Variants in RAI14 observed in about 807,000 individuals in gnomAD.
The protein encoded by RAI14 is retinoic acid induced 14.
Under a neutral mutation model 115.4 loss-of-function variants are expected in RAI14, and 45 were observed. The ratio of observed to expected loss-of-function variants is 0.39; its 90% CI spans 0.31 to 0.50. The LOEUF (loss-of-function observed/expected upper bound fraction) is 0.50, where lower values mean the gene tolerates loss of function less well. Among genes scored for constraint, RAI14 ranks in the 20% least tolerant of loss-of-function variants. The probability of loss-of-function intolerance (pLI) is 0.85; values close to 1 mark genes in which losing one functional copy is unlikely to be tolerated. For missense variants in RAI14, 939 were observed against 1,131.2 expected, an observed-to-expected ratio of 0.83 and a Z score of 2.44; for synonymous variants, 371 against 415.4, an observed-to-expected ratio of 0.89 and a Z score of 1.30.
chr5:34,826,084 C>T (rs1043404455), intron 15 of RAI14: 14 of 268,420 alleles, frequency 5.2e-5, no homozygotes, highest in African/African-American at 2.4e-4. Context: ...ATCACCAAAA[C>T]ATAATATGTA....
At position 34,772,431 on chromosome 5, in the gene RAI14, T is replaced by C. The variant is rs148753068; in HGVS notation, c.167+14833T>C. On this transcript the variant is annotated intron_variant, in intron 3 of 17. Coordinates refer to ENST00000265109, the MANE Select transcript of RAI14 (RefSeq NM_015577.3). ...GCACTAACCTAACAGCAAACTTCTC[T>C]GCCTCAGTTTTCCTCGTCTGTTAAA... 7.9e-5 allele frequency among the ~76,000 whole-genome samples: 12 copies of C among 152,364 alleles called. No individual in the cohort carries two copies. The East Asian group carries it at 2.1e-3, about 27-fold the overall frequency.
chr5:34,759,264 A>C (rs957347943), intron 3 of RAI14, among the ~76,000 whole-genome samples: 2 of 151,948 alleles, frequency 1.3e-5, no homozygotes, highest in African/African-American at 4.8e-5. Flanking sequence ...CTCTGTATCA[A>C]AGGGAAAAAA....
chr5:34,709,413 A>C (rs1056623776), intron 2 of RAI14, among the ~76,000 whole-genome samples: 1 of 152,176 alleles, frequency 6.6e-6, no homozygotes, highest in South Asian at 2.1e-4. Flanking sequence ...ATGCCACTGC[A>C]CTCCAGCCTG....
At chr5:34,800,341 T>A (rs1754111204) in intron 4 of RAI14, among the ~76,000 whole-genome samples, 1 of 152,220 alleles carries the variant, frequency 6.6e-6, no homozygotes, top group African/African-American at 2.4e-5. Flanking sequence ...ACTAGTCTTT[T>A]ATTTGCAGGT....
At chr5:34,694,548 G>T (rs1738993665) in intron 2 of RAI14, among the ~76,000 whole-genome samples, 2 of 152,128 alleles carry the variant, frequency 1.3e-5, no homozygotes, top group Non-Finnish European at 2.9e-5. Flanking sequence ...TCAACTATTA[G>T]AGTAGTTTTT....
chr5:34,822,250 G>GTATATATATATATATATATATATATA (rs376790121), intron 14 of RAI14, among the ~76,000 whole-genome samples: 5 of 134,736 alleles, frequency 3.7e-5, no homozygotes, highest in East Asian at 2.1e-4. Context: ...ATGTGTGTAT[G>GTATATATATATATATATATATATATA]TATATATATA....
At chr5:34,818,926 C>A in intron 13 of RAI14, 75 bp downstream of exon 13, 2 of 1,343,782 alleles carry the variant, frequency 1.5e-6, no homozygotes, top group Non-Finnish European at 2.1e-6. Flanking sequence ...AGAGCAAAGG[C>A]CAAGCTGGGG....
intron 1 of RAI14, among the ~76,000 whole-genome samples, chr5:34,679,365 C>T (rs1441073272): frequency 2.6e-5 from 4 of 152,226 alleles, no homozygotes; most frequent in Non-Finnish European, 4.4e-5. Flanking sequence ...CAAAGTTTCA[C>T]TAAGTGTTGA....
chr5:34,661,209 T>C (rs1366245749), intron 1 of RAI14, among the ~76,000 whole-genome samples: 1 of 151,784 alleles, frequency 6.6e-6, no homozygotes, highest in Non-Finnish European at 1.5e-5. Flanking sequence ...GTCGTGTAGG[T>C]GCTCAAAGAG....
intron 2 of RAI14, among the ~76,000 whole-genome samples, chr5:34,745,734 T>C (rs1019089813): frequency 2.0e-5 from 3 of 152,198 alleles, no homozygotes; most frequent in East Asian, 1.9e-4. Flanking sequence ...CAAATGCTGC[T>C]CCCAGCTGGA....
At chr5:34,700,133 C>A (rs1179841104) in intron 2 of RAI14, among the ~76,000 whole-genome samples, 1 of 152,136 alleles carries the variant, frequency 6.6e-6, no homozygotes, top group African/African-American at 2.4e-5. Context: ...ACAAAAAGTA[C>A]ATTTTTTGTT....
chr5:34,688,253 T>C, intron 2 of RAI14: 1 of 1,548,402 alleles, frequency 6.5e-7, no homozygotes, highest in South Asian at 1.2e-5. Context: ...AAAAAGGCAA[T>C]TAAATGGAAA....
At chr5:34,780,989 G>T (rs545074828) in intron 3 of RAI14, among the ~76,000 whole-genome samples, 12 of 152,180 alleles carry the variant, frequency 7.9e-5, no homozygotes, top group Middle Eastern at 3.4e-3. Flanking sequence ...ATAAATGATA[G>T]ACTGGATTAA....
At chr5:34,721,638 G>C (rs911615375) in intron 2 of RAI14, among the ~76,000 whole-genome samples, 1 of 152,042 alleles carries the variant, frequency 6.6e-6, no homozygotes, top group African/African-American at 2.4e-5. Flanking sequence ...CTTGGACTTA[G>C]GGCTTTTATT....
intron 3 of RAI14, among the ~76,000 whole-genome samples, chr5:34,777,067 G>A (rs962383332): frequency 1.3e-5 from 2 of 151,862 alleles, no homozygotes; most frequent in African/African-American, 4.8e-5. Context: ...GCAGGAGGCT[G>A]AGGCAGGAGA....
chr5:34,686,848 T>G, intron 1 of RAI14, 24 bp from the exon 2 acceptor site: 1 of 1,469,820 alleles, frequency 6.8e-7, no homozygotes, highest in Non-Finnish European at 9.5e-7. Flanking sequence ...GAAACCTACA[T>G]ATGTCCTTTT....
At chr5:34,735,047 G>A (rs1744693223) in intron 2 of RAI14, among the ~76,000 whole-genome samples, 1 of 152,172 alleles carries the variant, frequency 6.6e-6, no homozygotes, top group Admixed American at 6.5e-5. Context: ...TGAAAACCTG[G>A]TGGCAACCTA....
chr5:34,678,342 G>A (rs776520625), intron 1 of RAI14, among the ~76,000 whole-genome samples: 85 of 152,280 alleles, frequency 5.6e-4, no homozygotes, highest in Non-Finnish European at 8.5e-4. Context: ...ACTTTTAATT[G>A]TGGGTTATTT....
At chr5:34,762,644 T>C (rs967702048) in intron 3 of RAI14, among the ~76,000 whole-genome samples, 1 of 152,230 alleles carries the variant, frequency 6.6e-6, no homozygotes, top group African/African-American at 2.4e-5. Context: ...CCAAGAGTTA[T>C]AGCTGCAGCC....
Sources: gnomAD v4.1 joint callset for allele counts (sites outside exome capture counted in the v4.1 genomes callset) on GRCh38, gnomAD v4.1.1 for gene constraint, MANE v1.5 for transcripts, NCBI Gene and HGNC (gene_info 2026-07-23, HGNC 2026-07-21) for gene names.